The following TBC1D5 variants were observed in gnomAD, a reference collection of about 807,000 sequenced individuals.
TBC1D5 encodes the protein TBC1 domain family, member 5.
In TBC1D5, 75 loss-of-function variants were observed where a neutral mutation model predicts 100.3. The ratio of observed to expected loss-of-function variants is 0.75; its 90% CI spans 0.62 to 0.91. TBC1D5 has a LOEUF of 0.91. Ranked by LOEUF, TBC1D5 falls within the 40% of genes least tolerant of loss-of-function variation. The pLI, the probability that TBC1D5 is intolerant of heterozygous loss-of-function variation, is 0.00. For missense variants in TBC1D5, 910 were observed against 942.4 expected (o/e 0.97, Z 0.45); for synonymous variants, 323 against 325.6 (o/e 0.99, Z 0.09).
intron 13 of TBC1D5, among the ~76,000 whole-genome samples, chr3:17,345,520 C>T (rs2089727594): frequency 6.6e-6 from 1 of 151,998 alleles, no homozygotes; most frequent in African/African-American, 2.4e-5. Context: ...GGCGATTCCT[C>T]AGGGATCTAG....
intron 8 of TBC1D5, among the ~76,000 whole-genome samples, chr3:17,388,564 A>G (rs189666726): frequency 6.6e-6 from 1 of 151,948 alleles, no homozygotes; most frequent in Admixed American, 6.6e-5. Context: ...AAACATAACC[A>G]TAGGCCAGGT....
intron 1 of TBC1D5, among the ~76,000 whole-genome samples, chr3:17,705,785 C>A (rs2074059032): frequency 7.0e-6 from 1 of 143,168 alleles, no homozygotes; most frequent in African/African-American, 2.6e-5. Flanking sequence ...GGCAGAGGGG[C>A]TCCTCACATC....
chr3:17,535,525 G>A (rs907358305), intron 2 of TBC1D5, among the ~76,000 whole-genome samples: 3 of 152,070 alleles, frequency 2.0e-5, no homozygotes, highest in African/African-American at 7.2e-5. Flanking sequence ...GCCTGTCAAT[G>A]TTTCCATTAT....
intron 4 of TBC1D5, among the ~76,000 whole-genome samples, chr3:17,420,791 G>T (rs7632989): frequency 0.39 from 59,778 of 151,994 alleles, 12,409 homozygotes; most frequent in Middle Eastern, 0.47. Context: ...GTGTCCAGGG[G>T]AAAGGACTCT....
At chr3:17,598,049 A>C (rs1465184525) in intron 2 of TBC1D5, among the ~76,000 whole-genome samples, 1 of 151,256 alleles carries the variant, frequency 6.6e-6, no homozygotes, top group African/African-American at 2.4e-5. Context: ...AATGGGCCAA[A>C]AGAGGCTGGG....
chr3:17,436,841 T>C (rs1464015597), intron 3 of TBC1D5, among the ~76,000 whole-genome samples: 1 of 152,156 alleles, frequency 6.6e-6, no homozygotes, highest in African/African-American at 2.4e-5. Flanking sequence ...AAACAAGCTA[T>C]AAGAGGAATT....
chr3:17,705,039 C>T (rs1347861214), intron 1 of TBC1D5, among the ~76,000 whole-genome samples: 1 of 136,694 alleles, frequency 7.3e-6, no homozygotes, highest in Non-Finnish European at 1.6e-5. Context: ...GGGCGGCTGG[C>T]CAGGCGGGGG....
intron 19 of TBC1D5, among the ~76,000 whole-genome samples, chr3:17,170,385 T>C (rs1575717597): frequency 2.6e-5 from 4 of 152,254 alleles, no homozygotes; most frequent in Admixed American, 2.6e-4. Context: ...AGGGGGCTTT[T>C]TGGGTTCAAG....
At chr3:17,305,590 C>T (rs770732177) in intron 14 of TBC1D5, among the ~76,000 whole-genome samples, 52 of 152,134 alleles carry the variant, frequency 3.4e-4, no homozygotes, top group Admixed American at 7.2e-4. Context: ...TTTTTCAAAT[C>T]TTTAGGTTAC....
intron 3 of TBC1D5, among the ~76,000 whole-genome samples, chr3:17,479,182 T>C (rs763044009): frequency 6.6e-6 from 1 of 152,138 alleles, no homozygotes; most frequent in African/African-American, 2.4e-5. Context: ...AAGAGGATTG[T>C]TGAGCCCAGG....
chr3:17,396,163 G>A (rs1248363737), intron 8 of TBC1D5, among the ~76,000 whole-genome samples: 1 of 152,064 alleles, frequency 6.6e-6, no homozygotes, highest in African/African-American at 2.4e-5. Context: ...GGTCGTGCAT[G>A]CACAAGCATG....
In TBC1D5 at chr3:17,183,436, T is replaced by C. The variant is rs140935499; in HGVS notation, c.1852+1673A>G. ...AGTGGTAAGCGACCGAACTGGCGAC[T>C]TGGTTATAGGTCTATATGAATTTTT... On this transcript the variant is annotated intron_variant, in intron 19 of 21. Coordinates refer to ENST00000253692, the Ensembl canonical transcript of TBC1D5. Among the ~76,000 whole-genome samples the C allele has an allele frequency of 9.3e-3, 1,409 of 152,318 alleles. 24 individuals carry two copies. The highest frequency in any genetic ancestry group is 0.032 in the African/African-American group (1,316 of 41,564).
At chr3:17,485,667 G>A (rs191542051) in intron 3 of TBC1D5, among the ~76,000 whole-genome samples, 9 of 152,172 alleles carry the variant, frequency 5.9e-5, no homozygotes, top group African/African-American at 1.4e-4. Flanking sequence ...CAAAGGATAT[G>A]AACTCATCAT....
intron 13 of TBC1D5, 118 bp downstream of exon 13, chr3:17,371,957 A>T: frequency 1.1e-6 from 1 of 929,530 alleles, no homozygotes; most frequent in Non-Finnish European, 1.5e-6. Flanking sequence ...GGATCGCTTG[A>T]GCCCAGGGGG....
chr3:17,618,549 G>A (rs373086466), intron 2 of TBC1D5, among the ~76,000 whole-genome samples: 1 of 152,230 alleles, frequency 6.6e-6, no homozygotes, highest in Admixed American at 6.5e-5. Context: ...AGCTGCACTG[G>A]GCTCTGCCCA....
intron 3 of TBC1D5, among the ~76,000 whole-genome samples, chr3:17,497,122 A>G (rs1203455279): frequency 6.6e-6 from 1 of 150,564 alleles, no homozygotes; most frequent in Non-Finnish European, 1.5e-5. Flanking sequence ...ACACACACAC[A>G]CACACACACA....
intron 1 of TBC1D5, among the ~76,000 whole-genome samples, chr3:17,701,221 T>C (rs927919048): frequency 6.6e-6 from 1 of 151,820 alleles, no homozygotes; most frequent in East Asian, 1.9e-4. Context: ...CAGCAAACTA[T>C]CACAAGGACA....
At chr3:17,497,137 C>CACACACACACACA (rs2095720945) in intron 3 of TBC1D5, among the ~76,000 whole-genome samples, 1 of 140,126 alleles carries the variant, frequency 7.1e-6, no homozygotes, top group Non-Finnish European at 1.5e-5. Flanking sequence ...CACACACACA[C>CACACACACACACA]CATCCTTGTA....
intron 2 of TBC1D5, among the ~76,000 whole-genome samples, chr3:17,539,766 T>C (rs543893712): frequency 1.3e-5 from 2 of 152,326 alleles, no homozygotes; most frequent in African/African-American, 4.8e-5. Flanking sequence ...TACAATTCCA[T>C]ATTTCAGCTA....
Sources: allele counts gnomAD v4.1 joint callset (sites outside exome capture counted in the v4.1 genomes callset), GRCh38; gene constraint gnomAD v4.1.1; transcripts MANE v1.5; gene names NCBI Gene and HGNC (gene_info 2026-07-23, HGNC 2026-07-21).